Variants in TUFT1 observed in about 807,000 individuals in gnomAD.
TUFT1 encodes the protein tuftelin.
In TUFT1, 43 loss-of-function variants were observed where a neutral mutation model predicts 57.8. The ratio of observed to expected loss-of-function variants is 0.74; its 90% CI spans 0.58 to 0.96. TUFT1 has a LOEUF of 0.96. TUFT1 is among the 40% of genes least tolerant of loss of function. The probability of loss-of-function intolerance (pLI) is 0.00; values close to 1 mark genes in which losing one functional copy is unlikely to be tolerated. For missense variants in TUFT1, 459 were observed against 489.0 expected, an observed-to-expected ratio of 0.94 and a Z score of 0.58; for synonymous variants, 166 against 176.7, an observed-to-expected ratio of 0.94 and a Z score of 0.48.
intron 1 of TUFT1, among the ~76,000 whole-genome samples, chr1:151,556,541 T>TG (rs1665705581): frequency 1.3e-5 from 2 of 152,096 alleles, no homozygotes; most frequent in Admixed American, 1.3e-4. Context: ...CCTGAGTTTC[T>TG]GGGACAACAG....
chr1:151,562,658 C>G lies in TUFT1; in HGVS notation c.209C>G (p.Ser70Cys). 1 of 1,613,402 alleles carries G rather than the reference C, an allele frequency of 6.2e-7. No homozygotes were observed. Among genetic ancestry groups the G allele is most frequent in the Non-Finnish European group, 8.5e-7 (1 of 1,180,002 alleles). ...GHSLASELVE[S>C]HDGHEEIIKV... ...TCTCTGGCTTCAGAACTGGTGGAGT[C>G]CCATGATGGACATGAGGAGATCATT... Residue 70 changes from serine (S) to cysteine (C), a missense_variant, in exon 3 of 13, where the codon TCC (serine) becomes TGC (cysteine). Physicochemically the swap from Ser to Cys is moderately radical, Grantham distance 112. Transcript: ENST00000368849.
chr1:151,566,155 T>C lies in TUFT1; in HGVS notation c.415-8T>C, dbSNP rs1250292477. 6.2e-7 allele frequency: 1 copy of C among 1,604,306 alleles called. No homozygotes were observed. The highest frequency in any genetic ancestry group is 8.5e-7 in the Non-Finnish European group (1 of 1,174,982). On this transcript the variant is annotated splice_region_variant and splice_polypyrimidine_tract_variant and intron_variant, in intron 5 of 12. Coordinates refer to ENST00000368849, the MANE Select transcript of TUFT1 (RefSeq NM_020127.3). ...TTTTAACTACCAATTTTATTTTTCT[T>C]TGAACAGGTGGTGCTAGAAAAGCCA...
intron 1 of TUFT1, among the ~76,000 whole-genome samples, chr1:151,542,643 AG>A (rs1665204766): frequency 6.6e-6 from 1 of 152,196 alleles, no homozygotes; most frequent in South Asian, 2.1e-4. Context: ...GTTAGTTTGA[AG>A]CTAACCAGAG....
chr1:151,564,983 C>T, intron 5 of TUFT1: 1 of 172,426 alleles, frequency 5.8e-6, no homozygotes, highest in Non-Finnish European at 1.2e-5. Context: ...TAAATCCACA[C>T]TTCTCATAAG....
intron 4 of TUFT1, 97 bp from the exon 5 acceptor site, chr1:151,564,428 C>A: frequency 1.2e-6 from 1 of 860,456 alleles, no homozygotes; most frequent in Non-Finnish European, 1.9e-6. Context: ...CAGTGCCTGA[C>A]TCGCAGTACA....
chr1:151,567,279 T>C (rs1271989902), intron 6 of TUFT1, among the ~76,000 whole-genome samples: 1 of 152,120 alleles, frequency 6.6e-6, no homozygotes, highest in Non-Finnish European at 1.5e-5. Flanking sequence ...AGTGGTGCAG[T>C]CATGGCTCAT....
In TUFT1 at chr1:151,540,479, G is replaced by C. The variant is rs892038030; in HGVS notation, c.60+53G>C. The C allele has an allele frequency of 3.1e-6, 5 of 1,606,232 alleles. No individual in the cohort carries two copies. In the African/African-American group the frequency reaches 6.7e-5, roughly 21 times the overall value. Reference sequence around the variant, plus strand: ...TCCGTTTTGTATTCCCGGTTTCTAAGTCCGCCCCTTCCGTGCCCCGCGCCG... The same window carrying C: ...TCCGTTTTGTATTCCCGGTTTCTAACTCCGCCCCTTCCGTGCCCCGCGCCG... On this transcript the variant is annotated intron_variant, in intron 1 of 12. Transcript: ENST00000368849.
chr1:151,556,058 A>G (rs759384173), intron 1 of TUFT1, among the ~76,000 whole-genome samples: 6 of 152,030 alleles, frequency 3.9e-5, no homozygotes, highest in Non-Finnish European at 8.8e-5. Flanking sequence ...TCCCATTTCT[A>G]TAACTTTGTT....
intron 11 of TUFT1, 52 bp downstream of exon 11, chr1:151,579,784 G>A (rs760966802): frequency 1.3e-6 from 2 of 1,554,514 alleles, no homozygotes; most frequent in African/African-American, 1.4e-5. Context: ...AAGAGAAGGT[G>A]GACATAAGGG....
At chr1:151,545,527 G>A (rs1025920847) in intron 1 of TUFT1, among the ~76,000 whole-genome samples, 2 of 152,200 alleles carry the variant, frequency 1.3e-5, no homozygotes, top group Non-Finnish European at 2.9e-5. Flanking sequence ...GAAGCACAGT[G>A]CCTGGCATGT....
intron 1 of TUFT1, among the ~76,000 whole-genome samples, chr1:151,550,556 G>A (rs1665477601): frequency 6.6e-6 from 1 of 151,802 alleles, no homozygotes; most frequent in African/African-American, 2.4e-5. Flanking sequence ...TGTTGACCAG[G>A]TTGGTCTCAA....
At chr1:151,581,172 C>T (rs1275470121) in intron 12 of TUFT1, 130 bp downstream of exon 12, 3 of 855,264 alleles carry the variant, frequency 3.5e-6, no homozygotes, top group African/African-American at 1.7e-5. Context: ...CTCAGTCTGA[C>T]CCACTGTTTG....
At chr1:151,548,459 C>G (rs1011182616) in intron 1 of TUFT1, among the ~76,000 whole-genome samples, 2 of 152,072 alleles carry the variant, frequency 1.3e-5, no homozygotes, top group Non-Finnish European at 2.9e-5. Context: ...TGCGCCACCA[C>G]GCCCAGCTAA....
chr1:151,559,211 G>C (rs1396591023), intron 1 of TUFT1, among the ~76,000 whole-genome samples: 1 of 152,204 alleles, frequency 6.6e-6, no homozygotes, highest in Non-Finnish European at 1.5e-5. Context: ...ATGTCATGGA[G>C]CATTCTCTGT....
intron 1 of TUFT1, among the ~76,000 whole-genome samples, chr1:151,542,164 T>C (rs892511306): frequency 6.6e-6 from 1 of 152,200 alleles, no homozygotes; most frequent in Non-Finnish European, 1.5e-5. Context: ...CTGGCAGTGT[T>C]AATGAATCAT....
chr1:151,560,206 A>T (rs1401092253), intron 1 of TUFT1, among the ~76,000 whole-genome samples: 3 of 150,280 alleles, frequency 2.0e-5, no homozygotes, highest in Non-Finnish European at 1.5e-5. Flanking sequence ...TCACAAAGTC[A>T]GGAGTTCGAG....
At position 151,579,628 on chromosome 1, in the gene TUFT1, G is replaced by A. The variant is rs369587294; in HGVS notation, c.925-21G>A. 104 of 1,613,320 alleles carry A rather than the reference G, an allele frequency of 6.4e-5. No individual in the cohort carries two copies. In the African/African-American group the frequency reaches 1.3e-3, roughly 19 times the overall value. On this transcript the variant is annotated intron_variant, in intron 10 of 12. Transcript: ENST00000368849. ...ATGAGTCATTGCAAAATGAGCTCCA[G>A]TGTCTCCCACACCTTTGCAGCTCCA...
intron 9 of TUFT1, among the ~76,000 whole-genome samples, chr1:151,577,344 C>T (rs1465013897): frequency 2.0e-5 from 3 of 152,160 alleles, no homozygotes; most frequent in African/African-American, 7.2e-5. Flanking sequence ...AGTTTCAACC[C>T]TTTAATCATG....
intron 5 of TUFT1, 197 bp downstream of exon 5, chr1:151,564,811 CAT>C (rs1253132441): frequency 2.2e-5 from 11 of 503,970 alleles, no homozygotes; most frequent in Non-Finnish European, 3.2e-5. Flanking sequence ...TACATTTACA[CAT>C]GTCAGCTTAA....
Sources: allele counts gnomAD v4.1 joint callset (sites outside exome capture counted in the v4.1 genomes callset), GRCh38; gene constraint gnomAD v4.1.1; transcripts MANE v1.5; gene names NCBI Gene and HGNC (gene_info 2026-07-23, HGNC 2026-07-21).